The following GFM1 variants were observed in gnomAD, a reference collection of about 807,000 sequenced individuals.
GFM1 encodes G elongation factor mitochondrial 1, also known as elongation factor G, mitochondrial.
Under a neutral mutation model 96.2 loss-of-function variants are expected in GFM1, and 62 were observed. The ratio of observed to expected loss-of-function variants is 0.64; its 90% CI spans 0.53 to 0.80. The LOEUF is 0.80. Among genes scored for constraint, GFM1 ranks in the 30% least tolerant of loss-of-function variants. GFM1 has a pLI of 0.00. For synonymous variants in GFM1, 282 were observed against 312.9 expected, an observed-to-expected ratio of 0.90 and a Z score of 1.04; for missense variants, 852 against 916.6, an observed-to-expected ratio of 0.93 and a Z score of 0.91.
At chr3:158,661,614 TCAC>T (rs1723205445) in intron 10 of GFM1, among the ~76,000 whole-genome samples, 1 of 152,198 alleles carries the variant, frequency 6.6e-6, no homozygotes, top group South Asian at 2.1e-4. Context: ...TGAATTCCCT[TCAC>T]TCACTCACCT....
rs142290192 is a variant in GFM1 at position 158,663,187 on chromosome 3, A to G, written c.1380+503A>G. Reference sequence around the variant, plus strand: ...TTGAAATATTTTTTAAGATAATTTTATACTTTATAGTTTTATAATTGGGTT... The same window carrying G: ...TTGAAATATTTTTTAAGATAATTTTGTACTTTATAGTTTTATAATTGGGTT... On this transcript the variant is annotated intron_variant, in intron 11 of 17. Transcript: ENST00000486715. Among the ~76,000 whole-genome samples, 222 of 152,306 alleles carry G rather than the reference A, an allele frequency of 1.5e-3. 2 individuals carry two copies. The highest frequency in any genetic ancestry group is 5.1e-3 in the African/African-American group (212 of 41,590).
Position 158,646,266 on chromosome 3 carries a change from A to G in GFM1, c.336A>G (p.Lys112=), listed in dbSNP as rs1323168771. 2.5e-6 allele frequency: 4 copies of G among 1,613,978 alleles called. No homozygotes were observed. Among genetic ancestry groups the G allele is most frequent in the African/African-American group, 1.3e-5 (1 of 74,938 alleles). The change falls in exon 3 of 18, where the codon AAA becomes AAG. Residue 112 remains lysine, a synonymous_variant. Coordinates refer to ENST00000486715, the MANE Select transcript of GFM1 (RefSeq NM_024996.7). ...IQSAATYTMW[K]DVNINIIDTP... Reference sequence around the variant, plus strand: ...CAGCAGCCACTTACACCATGTGGAAAGATGTCAATATTAACATTATAGATA... The same window carrying G: ...CAGCAGCCACTTACACCATGTGGAAGGATGTCAATATTAACATTATAGATA...
In GFM1 at chr3:158,666,318, G is replaced by A; in HGVS notation, c.1533G>A (p.Glu511=). Residue 511 remains glutamate (E), a synonymous_variant, in exon 13 of 18, where the codon GAG becomes GAA. Coordinates refer to ENST00000486715, the MANE Select transcript of GFM1 (RefSeq NM_024996.7). The part of the protein sequence containing the change: ...LEIYAQRLER[E]YGCPCITGKP... Reference sequence around the variant, plus strand: ...ACTCTTTTTAGAGGCTGGAAAGAGAGTATGGCTGTCCTTGTATCACAGGAA... The same window carrying A: ...ACTCTTTTTAGAGGCTGGAAAGAGAATATGGCTGTCCTTGTATCACAGGAA... The A allele has an allele frequency of 6.2e-7, 1 of 1,613,020 alleles. No homozygotes were observed. The highest frequency in any genetic ancestry group is 8.5e-7 in the Non-Finnish European group (1 of 1,179,340).
At chr3:158,644,788 C>T (rs778513623) in intron 1 of GFM1, 73 bp downstream of exon 1, 119 of 1,281,434 alleles carry the variant, frequency 9.3e-5, no homozygotes, top group Non-Finnish European at 1.3e-4. Flanking sequence ...AATGGAAGGC[C>T]GTGACACCCC....
rs1394457774 is a variant in GFM1, at chr3:158,654,547, T to G, written c.999T>G (p.Asp333Glu). Reference protein sequence around the residue: ...VQNYAILNKEDDSKEKTKILM... With the variant: ...VQNYAILNKEEDSKEKTKILM... ...AGATTTATATTTCTTTTATTTTAAG[T>G]GACTCAAAAGAGAAAACCAAAATCC... The change falls in exon 8 of 18, where the codon GAT (aspartate) becomes GAG (glutamate). Residue 333 changes from aspartate to glutamate, a missense_variant and splice_region_variant. Physicochemically the swap from Asp to Glu is conservative, Grantham distance 45. Transcript: ENST00000486715. 2.6e-6 allele frequency: 4 copies of G among 1,542,028 alleles called. No homozygotes were observed. The highest frequency in any genetic ancestry group is 3.6e-6 in the Non-Finnish European group (4 of 1,114,690).
chr3:158,655,148 G>A (rs867479669), intron 8 of GFM1, among the ~76,000 whole-genome samples: 7 of 151,948 alleles, frequency 4.6e-5, no homozygotes, highest in Non-Finnish European at 7.4e-5. Flanking sequence ...CCAAAATCTC[G>A]CAAACAATTG....
intron 13 of GFM1, among the ~76,000 whole-genome samples, chr3:158,673,503 CTTTTCTTTTT>C (rs936342884): frequency 5.7e-5 from 6 of 104,870 alleles, no homozygotes; most frequent in African/African-American, 2.7e-4. Flanking sequence ...TTTTTCTTTT[CTTTTCTTTTT>C]TTTTTTTTTT....
chr3:158,672,384 A>G (rs751425602), intron 13 of GFM1: 14 of 1,613,692 alleles, frequency 8.7e-6, no homozygotes, highest in Non-Finnish European at 1.1e-5. Flanking sequence ...CTGCACCTCA[A>G]ACACCCTGTG....
intron 13 of GFM1, among the ~76,000 whole-genome samples, chr3:158,679,009 A>T (rs1725142872): frequency 6.6e-6 from 1 of 152,154 alleles, no homozygotes; most frequent in South Asian, 2.1e-4. Context: ...TCTCTAAAAA[A>T]CATTTTAAAA....
rs201338737 is a variant in GFM1 at position 158,666,327 on chromosome 3, T to G, written c.1542T>G (p.Cys514Trp). Residue 514 changes from cysteine (C) to tryptophan (W), a missense_variant, in exon 13 of 18, where the codon TGT becomes TGG. Transcript: ENST00000486715. ...AGAGGCTGGAAAGAGAGTATGGCTG[T>G]CCTTGTATCACAGGAAAGCCAAAAG... ...YAQRLEREYG[C>W]PCITGKPKVA... The G allele has an allele frequency of 1.2e-5, 20 of 1,613,444 alleles. No homozygotes were observed. Among genetic ancestry groups the G allele is most frequent in the Non-Finnish European group, 1.7e-5 (20 of 1,179,640 alleles).
Position 158,646,237 on chromosome 3 carries a change from C to T in GFM1, c.307C>T (p.Gln103Ter). 7 of 1,613,678 alleles carry T rather than the reference C, an allele frequency of 4.3e-6. No homozygotes were observed. The highest frequency in any genetic ancestry group is 5.9e-6 in the Non-Finnish European group (7 of 1,179,546). The change falls in exon 3 of 18, where the codon CAG (glutamine) becomes TAG (stop). Residue 103 changes from glutamine to a stop codon, truncating the protein, a stop_gained. Coordinates refer to ENST00000486715, the MANE Select transcript of GFM1 (RefSeq NM_024996.7). LOFTEE classifies it high-confidence loss of function. ...AGAGAGACAAAGAGGAATCACTATT[C>T]AGTCAGCAGCCACTTACACCATGTG... Reference protein sequence around the residue: ...ELERQRGITIQSAATYTMWKD... With the variant: ...ELERQRGITI
intron 14 of GFM1, 36 bp downstream of exon 14, chr3:158,682,193 T>TA: frequency 6.5e-7 from 1 of 1,535,968 alleles, no homozygotes; most frequent in Non-Finnish European, 8.9e-7. Flanking sequence ...CATTTTTACT[T>TA]ACTAAAAACA....
intron 15 of GFM1, among the ~76,000 whole-genome samples, chr3:158,688,223 T>G (rs1726026247): frequency 6.6e-6 from 1 of 152,172 alleles, no homozygotes; most frequent in Non-Finnish European, 1.5e-5. Context: ...TGACTACAGA[T>G]CTGCTGGAGG....
chr3:158,672,676 C>T (rs1341961014), intron 13 of GFM1: 10 of 547,494 alleles, frequency 1.8e-5, no homozygotes, highest in South Asian at 4.1e-5. Context: ...ATCCGAGAGC[C>T]CTGGGCTGAC....
chr3:158,686,721 GTTTTTTTTT>G (rs67517331), intron 15 of GFM1, among the ~76,000 whole-genome samples: 1 of 85,730 alleles, frequency 1.2e-5, no homozygotes, highest in African/African-American at 4.8e-5. Flanking sequence ...TTGAATTGAG[GTTTTTTTTT>G]TTTTTTTTTT....
chr3:158,652,121 C>T lies in GFM1; in HGVS notation c.715C>T (p.Pro239Ser), dbSNP rs1722343637. 6.2e-7 allele frequency: 1 copy of T among 1,613,992 alleles called. No homozygotes were observed. Among genetic ancestry groups the T allele is most frequent in the Non-Finnish European group, 8.5e-7 (1 of 1,179,958 alleles). Residue 239 changes from proline (P) to serine (S), a missense_variant, in exon 6 of 18, where the codon CCA (proline) becomes TCA (serine). Pro to Ser is a moderately conservative substitution (Grantham distance 74). Transcript: ENST00000486715. Reference protein sequence around the residue: ...FGQIVRYGEIPAELRAAATDH... With the variant: ...FGQIVRYGEISAELRAAATDH... ...TCAGATTGTTCGATATGGTGAGATTCCAGCTGAATTAAGGGCGGCGGCCAC... is the reference window on the plus strand; with the variant it reads ...TCAGATTGTTCGATATGGTGAGATTTCAGCTGAATTAAGGGCGGCGGCCAC...
chr3:158,661,036 T>A, intron 10 of GFM1, 61 bp downstream of exon 10: 1 of 1,329,140 alleles, frequency 7.5e-7, no homozygotes, highest in Non-Finnish European at 1.1e-6. Flanking sequence ...TGTTTTTATG[T>A]AGTGCATTTA....
At position 158,684,728 on chromosome 3, in the gene GFM1, G is replaced by A. The variant is rs531238111; in HGVS notation, c.1909+60G>A. The A allele has an allele frequency of 3.3e-5, 51 of 1,564,468 alleles. No homozygotes were observed. The African/African-American group carries it at 6.1e-4, about 19-fold the overall frequency. On this transcript the variant is annotated intron_variant, in intron 15 of 17. Transcript: ENST00000486715. ...TTCCTGATAGATCATCATAGCCTCA[G>A]AAGGCAACACTGTTTTCAGTCTTCT...
rs1560147423 is a variant in GFM1, at chr3:158,691,317, C to T, written c.2125-19C>T. On this transcript the variant is annotated intron_variant, in intron 17 of 17. Coordinates refer to ENST00000486715, the MANE Select transcript of GFM1 (RefSeq NM_024996.7). ...CAAACAAACAAACAAAAAACCCTCT[C>T]TTTTTTTTAAATCCCTAGGGAAAGG... 1.9e-6 allele frequency: 3 copies of T among 1,611,288 alleles called. No individual in the cohort carries two copies. The highest frequency in any genetic ancestry group is 2.2e-5 in the South Asian group (2 of 90,992).
Sources: gnomAD v4.1 joint callset for allele counts (sites outside exome capture counted in the v4.1 genomes callset) on GRCh38, gnomAD v4.1.1 for gene constraint, MANE v1.5 for transcripts, NCBI Gene and HGNC (gene_info 2026-07-23, HGNC 2026-07-21) for gene names.